CEP192: variants seen among roughly 807,000 people sequenced by gnomAD.
The protein encoded by CEP192 is centrosomal protein of 192 kDa.
Under a neutral mutation model 271.8 loss-of-function variants are expected in CEP192, and 151 were observed. The ratio of observed to expected loss-of-function variants is 0.56; its 90% CI spans 0.49 to 0.64. The LOEUF (loss-of-function observed/expected upper bound fraction) is 0.64. Among genes scored for constraint, CEP192 ranks in the 30% least tolerant of loss-of-function variants. CEP192 has a pLI of 0.00. For missense variants in CEP192, 2,910 were observed against 3,020.5 expected (o/e 0.96, Z 0.86); for synonymous variants, 995 against 1,076.5 (o/e 0.92, Z 1.48).
rs767024077 is a variant in CEP192 at position 13,103,526 on chromosome 18, G to A, written c.6889G>A (p.Glu2297Lys). 9 of 1,613,656 alleles carry A rather than the reference G, an allele frequency of 5.6e-6. No individual in the cohort carries two copies. In the South Asian group the frequency reaches 6.6e-5, roughly 12 times the overall value. Reference protein sequence around the residue: ...GETSESCLELENHGTTDVKWH... With the variant: ...GETSESCLELKNHGTTDVKWH... ...CCTTTTAGAGAGCTGTCTAGAACTC[G>A]AGAATCATGGCACCACAGACGTGAA... The change falls in exon 39 of 45, where the codon GAG becomes AAG. Residue 2297 changes from glutamate to lysine, a missense_variant. Transcript: ENST00000506447.
intron 21 of CEP192, among the ~76,000 whole-genome samples, chr18:13,064,247 G>A (rs2037565975): frequency 6.6e-6 from 1 of 152,016 alleles, no homozygotes; most frequent in Non-Finnish European, 1.5e-5. Flanking sequence ...TGGATATCCA[G>A]TTTTCCCAGC....
intron 1 of CEP192, 121 bp from the exon 2 acceptor site, chr18:12,999,300 A>G (rs1396122714): frequency 1.4e-6 from 1 of 691,802 alleles, no homozygotes; most frequent in African/African-American, 1.8e-5. Context: ...TTTCCCCCTT[A>G]CTAATGCTAA....
chr18:13,019,756 A>G (rs190804213), intron 9 of CEP192, among the ~76,000 whole-genome samples: 2 of 152,118 alleles, frequency 1.3e-5, no homozygotes, highest in Admixed American at 6.5e-5. Flanking sequence ...TATTTTGTAC[A>G]TGTTAAATAT....
chr18:13,064,798 T>C (rs2037602825), intron 21 of CEP192, among the ~76,000 whole-genome samples: 1 of 152,170 alleles, frequency 6.6e-6, no homozygotes, highest in Admixed American at 6.5e-5. Flanking sequence ...TTGCTTGGGA[T>C]AGCTTGTCTA....
At chr18:13,002,805 G>T (rs376051114) in intron 3 of CEP192, among the ~76,000 whole-genome samples, 1 of 150,732 alleles carries the variant, frequency 6.6e-6, no homozygotes, top group East Asian at 1.9e-4. Context: ...ATTTGTATTT[G>T]CGTATTTATG....
intron 30 of CEP192, among the ~76,000 whole-genome samples, chr18:13,077,011 G>C (rs2038324718): frequency 6.6e-6 from 1 of 152,050 alleles, no homozygotes; most frequent in Non-Finnish European, 1.5e-5. Context: ...TCAAACTCCT[G>C]ACCTCAAGTA....
chr18:13,034,139 A>C (rs2035784360), intron 11 of CEP192, among the ~76,000 whole-genome samples: 1 of 152,228 alleles, frequency 6.6e-6, no homozygotes, highest in African/African-American at 2.4e-5. Flanking sequence ...TTAAAAAATA[A>C]AAAATGATAA....
At chr18:13,121,408 G>A (rs2040653146) in intron 44 of CEP192, among the ~76,000 whole-genome samples, 1 of 152,164 alleles carries the variant, frequency 6.6e-6, no homozygotes, top group South Asian at 2.1e-4. Context: ...TCCAGCACTA[G>A]CACAGGAAAG....
chr18:13,116,505 T>A lies in CEP192; in HGVS notation c.7416+2T>A. On this transcript the variant is annotated splice_donor_variant, in intron 43 of 44. Transcript: ENST00000506447. LOFTEE classifies it high-confidence loss of function. ...AATAATTCTTTTATTACACACTCAG[T>A]AAGTTGGAAATATTACTATGGGTTT... 6.3e-7 allele frequency: 1 copy of A among 1,595,488 alleles called. No individual in the cohort carries two copies. Among genetic ancestry groups the A allele is most frequent in the Non-Finnish European group, 8.5e-7 (1 of 1,173,636 alleles).
chr18:13,118,330 G>T (rs1351548916), intron 44 of CEP192, among the ~76,000 whole-genome samples: 1 of 152,250 alleles, frequency 6.6e-6, no homozygotes, highest in South Asian at 2.1e-4. Flanking sequence ...TTCCAGAAAC[G>T]TGTTCTATTC....
intron 9 of CEP192, among the ~76,000 whole-genome samples, chr18:13,022,801 G>C (rs1478397454): frequency 6.6e-6 from 1 of 152,136 alleles, no homozygotes; most frequent in Non-Finnish European, 1.5e-5. Context: ...ACAGTGTTGA[G>C]TCTTCCTATC....
At chr18:13,093,929 T>C (rs532466904) in intron 34 of CEP192, among the ~76,000 whole-genome samples, 3 of 152,360 alleles carry the variant, frequency 2.0e-5, no homozygotes, top group African/African-American at 7.2e-5. Context: ...TTCTTTTTTC[T>C]TGAGCATTCC....
In CEP192 at chr18:13,096,205, G is replaced by A. The variant is rs368306589; in HGVS notation, c.6455G>A (p.Arg2152His). 22 of 1,613,850 alleles carry A rather than the reference G, an allele frequency of 1.4e-5. 1 individual carries two copies. Among genetic ancestry groups the A allele is most frequent in the Middle Eastern group, 3.3e-4 (2 of 6,082 alleles). ...ATAGGTGACATGGCAAAAACTGGACGTTTCCAGATTGTGAATAACTCTGTG... is the reference window on the plus strand; with the variant it reads ...ATAGGTGACATGGCAAAAACTGGACATTTCCAGATTGTGAATAACTCTGTG... ...PSPCDMAKTG[R>H]FQIVNNSVRL... The change falls in exon 36 of 45, where the codon CGT (arginine) becomes CAT (histidine). Residue 2152 changes from arginine (R) to histidine (H), a missense_variant. Arg to His is a conservative substitution (Grantham distance 29, BLOSUM62 0). Transcript: ENST00000506447.
At chr18:13,105,136 C>T (rs2039891430) in intron 40 of CEP192, 57 bp downstream of exon 40, 3 of 1,169,136 alleles carry the variant, frequency 2.6e-6, no homozygotes, top group Non-Finnish European at 3.9e-6. Context: ...AGGAGTGCCT[C>T]ATTGGATTCC....
At chr18:13,097,576 C>A (rs1232677518) in intron 36 of CEP192, among the ~76,000 whole-genome samples, 1 of 150,534 alleles carries the variant, frequency 6.6e-6, no homozygotes, top group Non-Finnish European at 1.5e-5. Flanking sequence ...GAAGTTTTTA[C>A]CGTGAGTTGC....
intron 15 of CEP192, among the ~76,000 whole-genome samples, chr18:13,042,861 G>A (rs2036281351): frequency 6.6e-6 from 1 of 152,106 alleles, no homozygotes; most frequent in South Asian, 2.1e-4. Flanking sequence ...TGAAATTTGG[G>A]ATATTTCCAC....
intron 11 of CEP192, among the ~76,000 whole-genome samples, chr18:13,034,063 T>C (rs567513820): frequency 9.9e-5 from 15 of 152,232 alleles, no homozygotes; most frequent in Non-Finnish European, 2.1e-4. Flanking sequence ...TGGTTAACTT[T>C]GAAAAGCTCT....
chr18:13,123,875 T>A (rs1260444525), intron 44 of CEP192, among the ~76,000 whole-genome samples: 1 of 152,158 alleles, frequency 6.6e-6, no homozygotes, highest in Non-Finnish European at 1.5e-5. Flanking sequence ...GATGAAAGTT[T>A]CCGGCCGGGC....
chr18:13,066,488 G>T (rs897555396), intron 21 of CEP192, among the ~76,000 whole-genome samples: 16 of 152,062 alleles, frequency 1.1e-4, no homozygotes, highest in Admixed American at 6.5e-5. Flanking sequence ...GCTGCTTTTT[G>T]CTTTAGGAAT....
Sources: gnomAD v4.1 joint callset for allele counts (sites outside exome capture counted in the v4.1 genomes callset) on GRCh38, gnomAD v4.1.1 for gene constraint, MANE v1.5 for transcripts, NCBI Gene and HGNC (gene_info 2026-07-23, HGNC 2026-07-21) for gene names.